Variants in SBF2 observed in about 807,000 individuals in gnomAD.
SBF2 encodes the protein SET binding factor 2, also known as myotubularin-related protein 13.
In SBF2, 112 loss-of-function variants were observed where a neutral mutation model predicts 225.2. The observed-to-expected ratio is 0.50, with a 90% confidence interval of 0.43 to 0.58. The LOEUF (loss-of-function observed/expected upper bound fraction) is 0.58, where lower values mean the gene tolerates loss of function less well. SBF2 is among the 20% of genes least tolerant of loss of function. SBF2 has a pLI of 0.00. For missense variants in SBF2, 1,996 were observed against 2,206.2 expected, an observed-to-expected ratio of 0.90 and a Z score of 1.91; for synonymous variants, 763 against 773.3, an observed-to-expected ratio of 0.99 and a Z score of 0.22.
At chr11:9,903,686 C>T (rs1468634629) in intron 16 of SBF2, among the ~76,000 whole-genome samples, 1 of 152,196 alleles carries the variant, frequency 6.6e-6, no homozygotes, top group Non-Finnish European at 1.5e-5. Context: ...GATCCTAGGA[C>T]TTTATTTATA....
intron 2 of SBF2, among the ~76,000 whole-genome samples, chr11:10,139,029 A>ATATAT (rs1182976350): frequency 1.4e-3 from 206 of 152,334 alleles, no homozygotes; most frequent in African/African-American, 4.5e-3. Context: ...CCATGTAAGA[A>ATATAT]ACTAACTCAT....
rs550179464 is a variant in SBF2 at position 9,937,718 on chromosome 11, C to A, written c.1860+24239G>T. On this transcript the variant is annotated intron_variant, in intron 16 of 39. Coordinates refer to ENST00000256190, the MANE Select transcript of SBF2 (RefSeq NM_030962.4). ...GGTATTATTGCATGTCTAGAAAACC[C>A]AAGAAACTAATAAAAAACTGAAATT... Among the ~76,000 whole-genome samples, 5 of 151,460 alleles carry A rather than the reference C, an allele frequency of 3.3e-5. No homozygotes were observed. In the South Asian group the frequency reaches 8.4e-4, roughly 25 times the overall value.
At chr11:9,842,079 G>A (rs1260880834) in intron 25 of SBF2, among the ~76,000 whole-genome samples, 4 of 152,174 alleles carry the variant, frequency 2.6e-5, no homozygotes, top group Non-Finnish European at 5.9e-5. Context: ...ATGGGAAACA[G>A]TCACTCAGAG....
At chr11:10,087,122 G>A (rs927344720) in intron 2 of SBF2, among the ~76,000 whole-genome samples, 5 of 152,010 alleles carry the variant, frequency 3.3e-5, no homozygotes, top group African/African-American at 9.7e-5. Context: ...TGTTTGTTGT[G>A]TAGGTCGGAC....
intron 21 of SBF2, among the ~76,000 whole-genome samples, chr11:9,851,788 T>C (rs918545377): frequency 6.6e-6 from 1 of 152,196 alleles, no homozygotes; most frequent in African/African-American, 2.4e-5. Flanking sequence ...TATTTATTTA[T>C]GAGACTGGGT....
chr11:9,874,075 A>G lies in SBF2; in HGVS notation c.1930-15679T>C, dbSNP rs534472535. Among the ~76,000 whole-genome samples, 222 of 151,914 alleles carry G rather than the reference A, an allele frequency of 1.5e-3. 1 individual carries two copies. Among genetic ancestry groups the G allele is most frequent in the African/African-American group, 5.1e-3 (210 of 41,428 alleles). Reference sequence around the variant, plus strand: ...ACTTTGTCTCAAAAAAAAAAAGAGCATATTTCTTTCCTTGTGTGACTGAGC... The same window carrying G: ...ACTTTGTCTCAAAAAAAAAAAGAGCGTATTTCTTTCCTTGTGTGACTGAGC... On this transcript the variant is annotated intron_variant, in intron 17 of 39. Transcript: ENST00000256190.
At chr11:9,858,873 T>G (rs143171552) in intron 17 of SBF2, among the ~76,000 whole-genome samples, 1 of 152,254 alleles carries the variant, frequency 6.6e-6, no homozygotes, top group East Asian at 1.9e-4. Context: ...TAGCATGAAT[T>G]AGGGACTCAG....
chr11:10,076,902 G>C (rs1565203339), intron 2 of SBF2, among the ~76,000 whole-genome samples: 2 of 152,130 alleles, frequency 1.3e-5, no homozygotes, highest in African/African-American at 2.4e-5. Context: ...AGCCCCATTT[G>C]GCCTTGCCTC....
At chr11:10,159,946 A>C (rs1001195271) in intron 2 of SBF2, among the ~76,000 whole-genome samples, 3 of 151,852 alleles carry the variant, frequency 2.0e-5, no homozygotes, top group Non-Finnish European at 4.4e-5. Flanking sequence ...AGTAATGATA[A>C]AACTCTGGTC....
intron 16 of SBF2, among the ~76,000 whole-genome samples, chr11:9,914,032 T>A (rs563853668): frequency 6.0e-4 from 91 of 152,306 alleles, no homozygotes; most frequent in African/African-American, 2.1e-3. Flanking sequence ...ACATAGTATA[T>A]CACATTTGGC....
At position 10,002,763 on chromosome 11, in the gene SBF2, C is replaced by T. The variant is rs1948027735; in HGVS notation, c.620-74G>A. 11 of 1,447,730 alleles carry T rather than the reference C, an allele frequency of 7.6e-6. No homozygotes were observed. In the South Asian group the frequency reaches 9.4e-5, roughly 12 times the overall value. 89.7% of individuals were successfully genotyped at this position (1,447,730 alleles called of 1,614,324 possible). ...GTTGTCAACAATCATAGACAGTATA[C>T]ACGGAAAGAAAAAGCCAGTAATTTT... On this transcript the variant is annotated intron_variant, in intron 6 of 39. Coordinates refer to ENST00000256190, the MANE Select transcript of SBF2 (RefSeq NM_030962.4).
At position 9,795,803 on chromosome 11, in the gene SBF2, G is replaced by T. The variant is rs764468199; in HGVS notation, c.4570+28C>A. 3 of 1,610,462 alleles carry T rather than the reference G, an allele frequency of 1.9e-6. No homozygotes were observed. The Admixed American group carries it at 5.0e-5, about 27-fold the overall frequency. On this transcript the variant is annotated intron_variant, in intron 33 of 39. Transcript: ENST00000256190. ...AAAAACATGCAGAACTAACAAAAAA[G>T]ATGAAACAAGGGCATACAGACACAT...
intron 6 of SBF2, among the ~76,000 whole-genome samples, chr11:10,025,916 A>G (rs1949036592): frequency 6.6e-6 from 1 of 151,890 alleles, no homozygotes; most frequent in Non-Finnish European, 1.5e-5. Flanking sequence ...GATGTTCTTT[A>G]TATTTGTGTA....
At chr11:9,979,891 C>G (rs1037616431) in intron 13 of SBF2, among the ~76,000 whole-genome samples, 11 of 150,932 alleles carry the variant, frequency 7.3e-5, no homozygotes, top group Non-Finnish European at 1.5e-4. Flanking sequence ...CTTACTGCAG[C>G]CTCAAACTCC....
intron 8 of SBF2, 107 bp downstream of exon 8, chr11:10,000,807 A>C: frequency 1.5e-6 from 1 of 678,864 alleles, no homozygotes; most frequent in Non-Finnish European, 2.7e-6. Flanking sequence ...TTCTACTGGA[A>C]ATGCTACAGA....
chr11:10,056,222 A>C (rs553959236), intron 2 of SBF2, among the ~76,000 whole-genome samples: 8 of 152,152 alleles, frequency 5.3e-5, no homozygotes, highest in Non-Finnish European at 1.0e-4. Context: ...TTGGCTATTC[A>C]AGTTCCTTTT....
chr11:9,838,061 A>G (rs1211194788), intron 26 of SBF2: 1 of 147,892 alleles, frequency 6.8e-6, no homozygotes. Context: ...TTTTTTTTAA[A>G]GCAAACCCTG....
chr11:9,888,733 C>T (rs1304844608), intron 17 of SBF2, among the ~76,000 whole-genome samples: 1 of 152,008 alleles, frequency 6.6e-6, no homozygotes, highest in Non-Finnish European at 1.5e-5. Flanking sequence ...TAGAGGTATG[C>T]TTCATAAATT....
At chr11:9,818,702 T>C (rs778495562) in intron 28 of SBF2, among the ~76,000 whole-genome samples, 10 of 152,174 alleles carry the variant, frequency 6.6e-5, no homozygotes, top group Admixed American at 1.3e-4. Context: ...AAAGTTTTTA[T>C]TGGTCATTTC....
Sources: gnomAD v4.1 joint callset for allele counts (sites outside exome capture counted in the v4.1 genomes callset) on GRCh38, gnomAD v4.1.1 for gene constraint, MANE v1.5 for transcripts, NCBI Gene and HGNC (gene_info 2026-07-23, HGNC 2026-07-21) for gene names.